SCFD2: variants seen among roughly 807,000 people sequenced by gnomAD.
The protein encoded by SCFD2 is sec1 family domain-containing protein 2.
In SCFD2, 54 loss-of-function variants were observed where a neutral mutation model predicts 58.9. That is an observed-to-expected ratio of 0.92 (90% confidence interval 0.74 to 1.15). The LOEUF is 1.15. Among genes scored for constraint, SCFD2 ranks in the 50% most tolerant of loss-of-function variants. The pLI is 0.00. For synonymous variants in SCFD2, 321 were observed against 335.9 expected (o/e 0.96, Z 0.49); for missense variants, 805 against 836.6 (o/e 0.96, Z 0.47).
intron 5 of SCFD2, among the ~76,000 whole-genome samples, chr4:52,941,722 A>C (rs1720298133): frequency 6.6e-6 from 1 of 152,230 alleles, no homozygotes; most frequent in African/African-American, 2.4e-5. Flanking sequence ...GGATGAGGGA[A>C]ATTTACAAAG....
At chr4:53,332,496 C>G (rs1733514974) in intron 2 of SCFD2, among the ~76,000 whole-genome samples, 1 of 152,086 alleles carries the variant, frequency 6.6e-6, no homozygotes, top group Non-Finnish European at 1.5e-5. Context: ...AAGAAAAAAA[C>G]CACATGATTA....
At chr4:52,981,461 T>G (rs1721373528) in intron 5 of SCFD2, among the ~76,000 whole-genome samples, 1 of 152,196 alleles carries the variant, frequency 6.6e-6, no homozygotes, top group Admixed American at 6.5e-5. Flanking sequence ...TGGAAAATAT[T>G]TTCCAATGGG....
intron 5 of SCFD2, among the ~76,000 whole-genome samples, chr4:53,010,907 T>C (rs941291931): frequency 6.6e-6 from 1 of 152,172 alleles, no homozygotes; most frequent in Non-Finnish European, 1.5e-5. Flanking sequence ...TTAAAATTTC[T>C]GCACCTCTTT....
intron 5 of SCFD2, among the ~76,000 whole-genome samples, chr4:53,110,422 A>C (rs1179768024): frequency 1.3e-5 from 2 of 152,238 alleles, no homozygotes; most frequent in African/African-American, 4.8e-5. Flanking sequence ...AGCACAGCAC[A>C]GCAAAAGAAA....
chr4:53,186,322 T>C (rs1727735361), intron 4 of SCFD2, among the ~76,000 whole-genome samples: 1 of 152,086 alleles, frequency 6.6e-6, no homozygotes, highest in South Asian at 2.1e-4. Flanking sequence ...GGACTTACCA[T>C]AGTTCCCCCT....
chr4:53,097,090 G>C (rs973905921), intron 5 of SCFD2, among the ~76,000 whole-genome samples: 6 of 152,068 alleles, frequency 3.9e-5, no homozygotes, highest in Admixed American at 6.6e-5. Context: ...GTTTTGGTAT[G>C]AGTACCATGC....
intron 4 of SCFD2, among the ~76,000 whole-genome samples, chr4:53,262,723 T>C (rs185466514): frequency 2.6e-3 from 401 of 152,330 alleles, no homozygotes; most frequent in African/African-American, 9.2e-3. Flanking sequence ...CTGATGACTA[T>C]GTGCCTAGGC....
intron 2 of SCFD2, among the ~76,000 whole-genome samples, chr4:53,343,933 AG>A (rs937119989): frequency 1.3e-5 from 2 of 152,256 alleles, no homozygotes; most frequent in African/African-American, 4.8e-5. Context: ...TCAATAAATT[AG>A]GTATTGATGG....
intron 6 of SCFD2, among the ~76,000 whole-genome samples, chr4:52,918,743 G>T (rs1346212620): frequency 2.0e-5 from 3 of 151,918 alleles, no homozygotes; most frequent in African/African-American, 4.8e-5. Flanking sequence ...TGACCTACAT[G>T]TCCCCTCACT....
rs1011454220 is a variant in SCFD2, at chr4:52,874,135, T to C, written c.1963-74A>G. Reference sequence around the variant, plus strand: ...TCTCAGGGTATTGGATGATGAGAAATAGAATGCAACAAATGTCTTTGGGGG... The same window carrying C: ...TCTCAGGGTATTGGATGATGAGAAACAGAATGCAACAAATGTCTTTGGGGG... On this transcript the variant is annotated intron_variant, in intron 8 of 8. Coordinates refer to ENST00000401642, the MANE Select transcript of SCFD2 (RefSeq NM_152540.4). 1.0e-5 allele frequency: 10 copies of C among 1,000,530 alleles called. No individual in the cohort carries two copies. The African/African-American group carries it at 1.1e-4, about 11-fold the overall frequency. The allele number at this position is 1,000,530 out of a possible 1,614,324, so 62.0% of individuals were successfully genotyped here. A position where few individuals can be genotyped will look rare whatever the true frequency, so the allele number is the denominator to read the frequency against.
At chr4:53,058,240 A>T (rs979862915) in intron 5 of SCFD2, among the ~76,000 whole-genome samples, 2 of 152,192 alleles carry the variant, frequency 1.3e-5, no homozygotes, top group African/African-American at 2.4e-5. Flanking sequence ...TATAACATTA[A>T]TTCAAATATT....
chr4:53,323,384 G>T (rs1226651779), intron 2 of SCFD2, among the ~76,000 whole-genome samples: 2 of 151,956 alleles, frequency 1.3e-5, no homozygotes, highest in African/African-American at 4.8e-5. Context: ...TTTTGTTGTT[G>T]TTTTTTTGGG....
chr4:52,901,359 G>A (rs1276631915), intron 7 of SCFD2, among the ~76,000 whole-genome samples: 1 of 152,176 alleles, frequency 6.6e-6, no homozygotes, highest in African/African-American at 2.4e-5. Context: ...GGGCATTTTT[G>A]ATGGCCCTGA....
intron 4 of SCFD2, among the ~76,000 whole-genome samples, chr4:53,273,079 C>T (rs1364961384): frequency 2.0e-5 from 3 of 151,918 alleles, no homozygotes; most frequent in East Asian, 1.9e-4. Flanking sequence ...ATCAAAAATG[C>T]TTCAACTTTA....
intron 5 of SCFD2, among the ~76,000 whole-genome samples, chr4:53,063,784 G>T (rs1723580869): frequency 6.6e-6 from 1 of 152,120 alleles, no homozygotes; most frequent in Non-Finnish European, 1.5e-5. Flanking sequence ...ACTAAAAGTA[G>T]ATTCACTCGA....
chr4:53,241,970 C>A (rs570973246), intron 4 of SCFD2, among the ~76,000 whole-genome samples: 16 of 152,322 alleles, frequency 1.1e-4, no homozygotes, highest in African/African-American at 3.6e-4. Flanking sequence ...CAGTACCACA[C>A]CCCCATGATA....
chr4:53,069,713 T>G (rs944283495), intron 5 of SCFD2, among the ~76,000 whole-genome samples: 13 of 152,062 alleles, frequency 8.5e-5, no homozygotes, highest in African/African-American at 1.4e-4. Context: ...ATCTATACAA[T>G]ATAGAAAAGA....
At chr4:53,257,537 A>G (rs933367464) in intron 4 of SCFD2, among the ~76,000 whole-genome samples, 3 of 152,204 alleles carry the variant, frequency 2.0e-5, no homozygotes, top group South Asian at 2.1e-4. Flanking sequence ...GGGTAAGACC[A>G]TAGGAAAACT....
At chr4:53,172,873 T>C (rs566901820) in intron 4 of SCFD2, among the ~76,000 whole-genome samples, 1 of 152,248 alleles carries the variant, frequency 6.6e-6, no homozygotes, top group South Asian at 2.1e-4. Flanking sequence ...TAAAGTGTAG[T>C]TCAAGACCAA....
Sources: gnomAD v4.1 joint callset for allele counts (sites outside exome capture counted in the v4.1 genomes callset) on GRCh38, gnomAD v4.1.1 for gene constraint, MANE v1.5 for transcripts, NCBI Gene and HGNC (gene_info 2026-07-23, HGNC 2026-07-21) for gene names.